Variants in GRM5 observed in about 807,000 individuals in gnomAD.
The protein encoded by GRM5 is metabotropic glutamate receptor 5.
Under a neutral mutation model 83.1 loss-of-function variants are expected in GRM5, and 19 were observed. The observed-to-expected ratio is 0.23, with a 90% CI of 0.16 to 0.34. GRM5 has a LOEUF of 0.34. Among genes scored for constraint, GRM5 ranks in the 10% least tolerant of loss-of-function variants. GRM5 has a pLI of 1.00. For missense variants in GRM5, 1,160 were observed against 1,588.3 expected (o/e 0.73, Z 4.58); for synonymous variants, 675 against 633.6 (o/e 1.07, Z -0.98).
At chr11:88,708,635 C>T (rs1941213728) in intron 3 of GRM5, among the ~76,000 whole-genome samples, 1 of 152,028 alleles carries the variant, frequency 6.6e-6, no homozygotes, top group Non-Finnish European at 1.5e-5. Context: ...TGTAAAAGTT[C>T]CTCCCACACT....
At chr11:88,958,589 T>G (rs889443114) in intron 2 of GRM5, among the ~76,000 whole-genome samples, 4 of 152,132 alleles carry the variant, frequency 2.6e-5, no homozygotes, top group African/African-American at 9.6e-5. Flanking sequence ...ATTGTTCTGA[T>G]ACCTATTAGA....
At chr11:88,928,198 A>T (rs1327602270) in intron 2 of GRM5, among the ~76,000 whole-genome samples, 1 of 152,118 alleles carries the variant, frequency 6.6e-6, no homozygotes, top group Non-Finnish European at 1.5e-5. Flanking sequence ...TGGTGTAGGG[A>T]AAAGTACGTA....
At chr11:88,965,065 TG>T (rs1938908732) in intron 2 of GRM5, among the ~76,000 whole-genome samples, 1 of 152,158 alleles carries the variant, frequency 6.6e-6, no homozygotes, top group Admixed American at 6.6e-5. Context: ...TTTCTATAGG[TG>T]TTATAAACAC....
chr11:88,960,362 C>CA (rs1010976355), intron 2 of GRM5, among the ~76,000 whole-genome samples: 189 of 146,524 alleles, frequency 1.3e-3, no homozygotes, highest in Middle Eastern at 6.9e-3. Context: ...GTCATCCTCA[C>CA]AAAAAAAAAA....
chr11:88,809,477 C>T (rs1056021264), intron 3 of GRM5, among the ~76,000 whole-genome samples: 1 of 151,926 alleles, frequency 6.6e-6, no homozygotes, highest in Non-Finnish European at 1.5e-5. Flanking sequence ...AGGCACTTTG[C>T]TTTATGTAGT....
At chr11:88,656,385 C>A (rs1456157266) in intron 3 of GRM5, among the ~76,000 whole-genome samples, 2 of 152,118 alleles carry the variant, frequency 1.3e-5, no homozygotes, top group Non-Finnish European at 2.9e-5. Context: ...TCTGCATTTA[C>A]AAATTTAGCT....
intron 6 of GRM5, among the ~76,000 whole-genome samples, chr11:88,591,668 C>G (rs1341099658): frequency 6.6e-6 from 1 of 152,140 alleles, no homozygotes; most frequent in African/African-American, 2.4e-5. Context: ...AGCTAGATAC[C>G]TATAGCCAAA....
intron 3 of GRM5, among the ~76,000 whole-genome samples, chr11:88,657,035 A>G (rs998550183): frequency 6.6e-6 from 1 of 152,126 alleles, no homozygotes; most frequent in Non-Finnish European, 1.5e-5. Flanking sequence ...TATAGACAAT[A>G]CATATGTTAA....
intron 3 of GRM5, among the ~76,000 whole-genome samples, chr11:88,837,762 A>G (rs1323893622): frequency 6.6e-6 from 1 of 152,134 alleles, no homozygotes; most frequent in Admixed American, 6.5e-5. Flanking sequence ...TTCAGCTTAT[A>G]TCTAGCAAGC....
intron 2 of GRM5, among the ~76,000 whole-genome samples, chr11:88,937,263 A>G (rs1937933392): frequency 6.6e-6 from 1 of 151,746 alleles, no homozygotes; most frequent in Non-Finnish European, 1.5e-5. Flanking sequence ...TATGGTACTT[A>G]AAGTCAAATA....
At chr11:88,888,427 A>C (rs543342970) in intron 2 of GRM5, among the ~76,000 whole-genome samples, 131 of 152,262 alleles carry the variant, frequency 8.6e-4, no homozygotes, top group African/African-American at 3.1e-3. Flanking sequence ...AAGAGAGGCA[A>C]TACCTCTTGA....
intron 2 of GRM5, among the ~76,000 whole-genome samples, chr11:89,021,694 T>C (rs1940988789): frequency 6.6e-6 from 1 of 152,212 alleles, no homozygotes; most frequent in Admixed American, 6.5e-5. Context: ...ATGCAATTTT[T>C]AGAATTGGAA....
chr11:88,875,239 T>G (rs1944831866), intron 2 of GRM5, among the ~76,000 whole-genome samples: 1 of 151,998 alleles, frequency 6.6e-6, no homozygotes, highest in African/African-American at 2.4e-5. Context: ...TCATTCTCAT[T>G]TCATCAAGGC....
chr11:88,978,196 C>T (rs747787196), intron 2 of GRM5, among the ~76,000 whole-genome samples: 1 of 151,982 alleles, frequency 6.6e-6, no homozygotes, highest in Non-Finnish European at 1.5e-5. Flanking sequence ...TAAACACTTG[C>T]AAAGAGGGTA....
intron 8 of GRM5, among the ~76,000 whole-genome samples, chr11:88,537,373 C>A (rs1322162073): frequency 6.6e-6 from 1 of 152,072 alleles, no homozygotes; most frequent in Non-Finnish European, 1.5e-5. Context: ...GTAAAAGAGG[C>A]ATCACTAAGA....
At chr11:88,800,783 T>C (rs1176518992) in intron 3 of GRM5, among the ~76,000 whole-genome samples, 1 of 152,102 alleles carries the variant, frequency 6.6e-6, no homozygotes, top group Non-Finnish European at 1.5e-5. Context: ...TCCTTATGCA[T>C]AAGTTGGGAG....
At chr11:88,745,116 T>C (rs904067396) in intron 3 of GRM5, among the ~76,000 whole-genome samples, 1 of 152,034 alleles carries the variant, frequency 6.6e-6, no homozygotes, top group Non-Finnish European at 1.5e-5. Context: ...AGCCAGATTT[T>C]AAACCCAGGG....
intron 2 of GRM5, among the ~76,000 whole-genome samples, chr11:88,852,913 A>C (rs1944411455): frequency 6.6e-6 from 1 of 152,140 alleles, no homozygotes; most frequent in African/African-American, 2.4e-5. Flanking sequence ...GCAGCAAAAA[A>C]AAGTCTACAG....
At chr11:88,558,775 T>C (rs1226519806) in intron 8 of GRM5, among the ~76,000 whole-genome samples, 1 of 115,906 alleles carries the variant, frequency 8.6e-6, no homozygotes, top group African/African-American at 3.5e-5. Flanking sequence ...CACTACAGCC[T>C]GGCAACAGAG....
Sources: gnomAD v4.1 joint callset for allele counts (sites outside exome capture counted in the v4.1 genomes callset) on GRCh38, gnomAD v4.1.1 for gene constraint, MANE v1.5 for transcripts, NCBI Gene and HGNC (gene_info 2026-07-23, HGNC 2026-07-21) for gene names.